The following AGAP1 variants were observed in gnomAD, a reference collection of about 807,000 sequenced individuals.
AGAP1 encodes the protein ArfGAP with GTPase domain, ankyrin repeat and PH domain 1.
Under a neutral mutation model 105.3 loss-of-function variants are expected in AGAP1, and 29 were observed. The ratio of observed to expected loss-of-function variants is 0.28; its 90% CI spans 0.21 to 0.38. The LOEUF (loss-of-function observed/expected upper bound fraction) is 0.38. Ranked by LOEUF, AGAP1 falls within the 10% of genes least tolerant of loss-of-function variation. AGAP1 has a pLI of 1.00. For synonymous variants in AGAP1, 509 were observed against 485.9 expected (o/e 1.05, Z -0.63); for missense variants, 998 against 1,165.1 (o/e 0.86, Z 2.09).
chr2:235,595,111 A>G (rs996020066), intron 1 of AGAP1, among the ~76,000 whole-genome samples: 5 of 152,062 alleles, frequency 3.3e-5, no homozygotes, highest in African/African-American at 1.2e-4. Flanking sequence ...GTTTTGCAGA[A>G]AGGGAGTTTC....
At chr2:235,806,774 G>C (rs1007479514) in intron 8 of AGAP1, among the ~76,000 whole-genome samples, 1 of 152,100 alleles carries the variant, frequency 6.6e-6, no homozygotes, top group Non-Finnish European at 1.5e-5. Context: ...CTAATCAAGA[G>C]TGTGCCGTTA....
In AGAP1 at chr2:236,036,531, A is replaced by G. The variant is rs546481287; in HGVS notation, c.1646-30A>G. On this transcript the variant is annotated intron_variant, in intron 13 of 17. Transcript: ENST00000304032. The surrounding 1 kb of genome is among the most constrained non-coding windows in gnomAD (Gnocchi z 5.7). The stretch of plus-strand genomic sequence containing the variant: ...GGGGGACTGCTGTCTCATAAAAGCT[A>G]AACTCTTCATCCCACACTCTGTGTT... 2.5e-6 allele frequency: 4 copies of G among 1,611,232 alleles called. No homozygotes were observed. The Admixed American group carries it at 6.7e-5, about 27-fold the overall frequency.
chr2:235,648,726 A>C (rs9751997), intron 1 of AGAP1, among the ~76,000 whole-genome samples: 16 of 147,720 alleles, frequency 1.1e-4, no homozygotes, highest in Non-Finnish European at 2.1e-4. Context: ...AAAAAAAAAA[A>C]AAAAAAAAAC....
Position 235,719,625 on chromosome 2 carries a change from C to T in AGAP1, c.310+1981C>T, listed in dbSNP as rs1458183720. On this transcript the variant is annotated intron_variant, in intron 3 of 17. Transcript: ENST00000304032. This position sits in a 1 kb window ranked among gnomAD's most constrained non-coding sequence, Gnocchi z 4.9. Reference sequence around the variant, plus strand: ...TTAAGAGTAGGAGCGTGGGTGAGTACCTTCCTTTCTTCATCTGCAAAGTGG... The same window carrying T: ...TTAAGAGTAGGAGCGTGGGTGAGTATCTTCCTTTCTTCATCTGCAAAGTGG... 2.6e-5 allele frequency among the ~76,000 whole-genome samples: 4 copies of T among 152,146 alleles called. No individual in the cohort carries two copies. Among genetic ancestry groups the T allele is most frequent in the African/African-American group, 9.7e-5 (4 of 41,434 alleles).
At chr2:235,699,096 G>A (rs1361316117) in intron 1 of AGAP1, among the ~76,000 whole-genome samples, 1 of 140,650 alleles carries the variant, frequency 7.1e-6, no homozygotes, top group East Asian at 2.3e-4. Flanking sequence ...ACCTAGGCTC[G>A]CACAGGAGGG....
chr2:235,560,734 A>G (rs1944121437), intron 1 of AGAP1, among the ~76,000 whole-genome samples: 1 of 152,186 alleles, frequency 6.6e-6, no homozygotes, highest in African/African-American at 2.4e-5. Flanking sequence ...GCTGACACCT[A>G]AGCCTGGTGA....
intron 13 of AGAP1, among the ~76,000 whole-genome samples, chr2:236,024,765 C>G (rs578056897): frequency 6.6e-6 from 1 of 152,344 alleles, no homozygotes; most frequent in South Asian, 2.1e-4. Flanking sequence ...GGGGCCTTGT[C>G]TGCATAGAAA....
intron 15 of AGAP1, among the ~76,000 whole-genome samples, chr2:236,043,464 C>T (rs1462425560): frequency 3.9e-5 from 6 of 152,174 alleles, no homozygotes; most frequent in Middle Eastern, 3.2e-3. Context: ...CGGTGGCTCA[C>T]GCCTGTAATC....
intron 1 of AGAP1, among the ~76,000 whole-genome samples, chr2:235,617,000 A>G (rs1393984237): frequency 2.0e-5 from 3 of 152,086 alleles, no homozygotes; most frequent in Non-Finnish European, 2.9e-5. Context: ...TGAAAAGTCA[A>G]AGTCACATCA....
At chr2:236,010,983 C>T (rs1399807774) in intron 13 of AGAP1, among the ~76,000 whole-genome samples, 1 of 152,090 alleles carries the variant, frequency 6.6e-6, no homozygotes, top group Non-Finnish European at 1.5e-5. Flanking sequence ...GGAGGTGGAG[C>T]TTGCAGTGAG....
intron 16 of AGAP1, among the ~76,000 whole-genome samples, chr2:236,117,935 A>T (rs1485967245): frequency 1.3e-5 from 2 of 152,154 alleles, no homozygotes; most frequent in Admixed American, 6.5e-5. Flanking sequence ...GGCCGGTGTC[A>T]GTTCTCAGCT....
rs573058471 is a variant in AGAP1 at position 235,982,320 on chromosome 2, G to A, written c.1645+13697G>A. ...ACAATTAACATATAATTACCTCAAC[G>A]GGCCAATTAATTAAGCAATTTAAGA... On this transcript the variant is annotated intron_variant, in intron 13 of 17. Transcript: ENST00000304032. The surrounding 1 kb of genome is among the most constrained non-coding windows in gnomAD (Gnocchi z 4.9). Among the ~76,000 whole-genome samples the A allele has an allele frequency of 4.8e-5, 7 of 146,708 alleles. No homozygotes were observed. The highest frequency in any genetic ancestry group is 1.0e-4 in the Non-Finnish European group (7 of 67,978).
rs373237927 is a variant in AGAP1 at position 235,741,761 on chromosome 2, A to AT, written c.396+725dup. On this transcript the variant is annotated intron_variant, in intron 4 of 17. Transcript: ENST00000304032. The surrounding 1 kb of genome is among the most constrained non-coding windows in gnomAD (Gnocchi z 4.9). ...TATTGTTATTTTTTATTATTTATTT[A>AT]TTTTTTTTTTTTGAGACAGTCTCGC... 2.9e-3 allele frequency among the ~76,000 whole-genome samples: 412 copies of AT among 141,832 alleles called. 1 individual carries two copies. The highest frequency in any genetic ancestry group is 9.0e-3 in the East Asian group (44 of 4,880). 93.0% of individuals were successfully genotyped at this position (141,832 alleles called of 152,430 possible).
intron 1 of AGAP1, among the ~76,000 whole-genome samples, chr2:235,613,392 C>A (rs938135821): frequency 1.3e-5 from 2 of 152,202 alleles, no homozygotes; most frequent in African/African-American, 4.8e-5. Flanking sequence ...CAAATGGGTT[C>A]TATCTTAAAA....
At chr2:235,514,656 G>T (rs1018806070) in intron 1 of AGAP1, among the ~76,000 whole-genome samples, 1 of 152,262 alleles carries the variant, frequency 6.6e-6, no homozygotes, top group Non-Finnish European at 1.5e-5. Context: ...CATTCCGATG[G>T]CTCCTGCTGG....
intron 9 of AGAP1, among the ~76,000 whole-genome samples, chr2:235,835,042 G>T (rs949672569): frequency 6.6e-6 from 1 of 152,184 alleles, no homozygotes; most frequent in African/African-American, 2.4e-5. Context: ...TGGCATCCTC[G>T]CCCCTCGGCC....
Position 235,507,889 on chromosome 2 carries a change from C to T in AGAP1, c.163+13040C>T, listed in dbSNP as rs1168883729. Among the ~76,000 whole-genome samples, 3 of 152,114 alleles carry T rather than the reference C, an allele frequency of 2.0e-5. No homozygotes were observed. The East Asian group carries it at 5.8e-4, about 29-fold the overall frequency. Reference sequence around the variant, plus strand: ...TTGGGTGTCATGGTGGTCTGGTGTACAGATTATTACAACGCATAGTAAGTA... The same window carrying T: ...TTGGGTGTCATGGTGGTCTGGTGTATAGATTATTACAACGCATAGTAAGTA... On this transcript the variant is annotated intron_variant, in intron 1 of 17. Coordinates refer to ENST00000304032, the MANE Select transcript of AGAP1 (RefSeq NM_001037131.3).
rs567749540 is a variant in AGAP1 at position 235,752,038 on chromosome 2, T to TC, written c.673+1551dup. Among the ~76,000 whole-genome samples the TC allele has an allele frequency of 8.7e-4, 132 of 152,288 alleles. No homozygotes were observed. Among genetic ancestry groups the TC allele is most frequent in the African/African-American group, 2.6e-3 (106 of 41,568 alleles). ...TGTGCAGGGAGGCCCTTAGAGCTCT[T>TC]CTGAGAGGTGCACCCTAATGGAGCA... On this transcript the variant is annotated intron_variant, in intron 6 of 17. Coordinates refer to ENST00000304032, the MANE Select transcript of AGAP1 (RefSeq NM_001037131.3). This position sits in a 1 kb window ranked among gnomAD's most constrained non-coding sequence, Gnocchi z 4.3.
At chr2:235,587,432 G>C (rs1485603841) in intron 1 of AGAP1, among the ~76,000 whole-genome samples, 2 of 152,288 alleles carry the variant, frequency 1.3e-5, no homozygotes, top group South Asian at 2.1e-4. Flanking sequence ...GCTGTTTGAA[G>C]GACCGGAAAT....
Sources: allele counts gnomAD v4.1 joint callset (sites outside exome capture counted in the v4.1 genomes callset), GRCh38; gene constraint gnomAD v4.1.1; non-coding constraint Gnocchi (gnomAD v3.1); transcripts MANE v1.5; gene names NCBI Gene and HGNC (gene_info 2026-07-23, HGNC 2026-07-21).